The following PIK3R2 variants were observed in gnomAD, a reference collection of about 807,000 sequenced individuals.
The protein encoded by PIK3R2 is phosphatidylinositol 3-kinase regulatory subunit beta.
In PIK3R2, 40 loss-of-function variants were observed where a neutral mutation model predicts 78.5. The ratio of observed to expected loss-of-function variants is 0.51; its 90% CI spans 0.40 to 0.66. PIK3R2 has a LOEUF of 0.66. Among genes scored for constraint, PIK3R2 ranks in the 30% least tolerant of loss-of-function variants. The pLI is 0.00. For synonymous variants in PIK3R2, 473 were observed against 457.7 expected (o/e 1.03, Z -0.43); for missense variants, 880 against 1,026.6 (o/e 0.86, Z 1.95).
chr19:18,154,467 G>A (rs1437711278), intron 1 of PIK3R2, among the ~76,000 whole-genome samples: 1 of 152,180 alleles, frequency 6.6e-6, no homozygotes, highest in Admixed American at 6.5e-5. Flanking sequence ...CTCCTCTGCA[G>A]AGACTGGAGG....
chr19:18,166,046 T>C lies in PIK3R2; in HGVS notation c.1417-114T>C, dbSNP rs4808755. 0.93 allele frequency: 1,243,216 copies of C among 1,335,402 alleles called. 579,876 individuals carry two copies. Among genetic ancestry groups the C allele is most frequent in the Non-Finnish European group, 0.95 (881,636 of 930,316 alleles). 82.7% of individuals were successfully genotyped at this position (1,335,402 alleles called of 1,614,324 possible). On this transcript the variant is annotated intron_variant, in intron 11 of 15. Transcript: ENST00000222254. ...AGCAGGCGTTAGAAGAATGACACTC[T>C]GATAGAGGGACCAGCTTGAGCAGTC...
At chr19:18,163,592 G>C (rs2043775900) in intron 11 of PIK3R2, among the ~76,000 whole-genome samples, 1 of 152,178 alleles carries the variant, frequency 6.6e-6, no homozygotes, top group Non-Finnish European at 1.5e-5. Flanking sequence ...GGGAGGCAGA[G>C]ACAGGAGGAT....
At chr19:18,159,436 C>A (rs2043717601) in intron 2 of PIK3R2, among the ~76,000 whole-genome samples, 1 of 151,744 alleles carries the variant, frequency 6.6e-6, no homozygotes, top group Non-Finnish European at 1.5e-5. Context: ...CCAGTCTCTG[C>A]CTTGGCTTTC....
At position 18,168,067 on chromosome 19, in the gene PIK3R2, G is replaced by A. The variant is rs977956649; in HGVS notation, c.1737-408G>A. ...AGGTGCTGTGCTAAGCACCGTGCTC[G>A]TTATGAGTTCATTTGGTCCTTTTCA... is the stretch of plus-strand genomic sequence containing the variant. On this transcript the variant is annotated intron_variant, in intron 13 of 15. Coordinates refer to ENST00000222254, the MANE Select transcript of PIK3R2 (RefSeq NM_005027.4). This position sits in a 1 kb window ranked among gnomAD's most constrained non-coding sequence, Gnocchi z 4.1. 1.3e-5 allele frequency among the ~76,000 whole-genome samples: 2 copies of A among 152,132 alleles called. No homozygotes were observed. Among genetic ancestry groups the A allele is most frequent in the Admixed American group, 6.5e-5 (1 of 15,270 alleles).
intron 11 of PIK3R2, among the ~76,000 whole-genome samples, chr19:18,163,828 CAG>C (rs2043778695): frequency 6.9e-6 from 1 of 144,386 alleles, no homozygotes; most frequent in Non-Finnish European, 1.5e-5. Context: ...TCTCTAAAAA[CAG>C]AAATAAGCGT....
chr19:18,168,407 C>T lies in PIK3R2; in HGVS notation c.1737-68C>T, dbSNP rs2043829586. On this transcript the variant is annotated intron_variant, in intron 13 of 15. Coordinates refer to ENST00000222254, the MANE Select transcript of PIK3R2 (RefSeq NM_005027.4). This position sits in a 1 kb window ranked among gnomAD's most constrained non-coding sequence, Gnocchi z 4.1. ...TCCTCAGCCAGACCCTGCCTCCCAC[C>T]GGACAGGCCCACTGTGGGCTCAGCA... 6.7e-6 allele frequency: 5 copies of T among 747,636 alleles called. No homozygotes were observed. The highest frequency in any genetic ancestry group is 3.0e-4 in the Middle Eastern group (1 of 3,364). 46.3% of individuals were successfully genotyped at this position (747,636 alleles called of 1,614,324 possible). A position where few individuals can be genotyped will look rare whatever the true frequency, so the allele number is the denominator to read the frequency against.
intron 11 of PIK3R2, among the ~76,000 whole-genome samples, chr19:18,165,096 A>G (rs2147955431): frequency 6.6e-6 from 1 of 151,408 alleles, no homozygotes; most frequent in African/African-American, 2.4e-5. Context: ...CGAGCCAGGC[A>G]CAATGGCTCA....
Position 18,165,178 on chromosome 19 carries a change from G to A in PIK3R2, c.1417-982G>A, listed in dbSNP as rs534240402. Among the ~76,000 whole-genome samples the A allele has an allele frequency of 3.3e-5, 5 of 149,840 alleles. No individual in the cohort carries two copies. In the South Asian group the frequency reaches 1.1e-3, roughly 32 times the overall value. Reference sequence around the variant, plus strand: ...AGGTAAGGAGTTCAAGACCAGTCTGGCCAACATGGTGAATCCCTGTCTCTA... The same window carrying A: ...AGGTAAGGAGTTCAAGACCAGTCTGACCAACATGGTGAATCCCTGTCTCTA... On this transcript the variant is annotated intron_variant, in intron 11 of 15. Transcript: ENST00000222254.
chr19:18,160,926 C>T lies in PIK3R2; in HGVS notation c.423C>T (p.Asp141=), dbSNP rs1319493248. ...TGTCCCCTTCACCCCCAGGGCTGGACAGCGAATCTCACTACCGCCCGGAGC... is the reference window on the plus strand; with the variant it reads ...TGTCCCCTTCACCCCCAGGGCTGGATAGCGAATCTCACTACCGCCCGGAGC... ...LVEAIERTGL[D]SESHYRPELP... is the part of the protein sequence containing the mutation. The change falls in exon 4 of 16, where the codon GAC becomes GAT. Residue 141 remains aspartate, a synonymous_variant. Coordinates refer to ENST00000222254, the MANE Select transcript of PIK3R2 (RefSeq NM_005027.4). The T allele has an allele frequency of 1.9e-6, 3 of 1,609,882 alleles. No individual in the cohort carries two copies. The Admixed American group carries it at 5.0e-5, about 27-fold the overall frequency.
rs573041611 is a variant in PIK3R2 at position 18,170,162 on chromosome 19, C to T, written c.*868C>T. On this transcript the variant is annotated 3_prime_UTR_variant, in exon 16 of 16. Transcript: ENST00000222254. The stretch of plus-strand genomic sequence containing the variant: ...GATGGAGGTTGCAGTGAGCAGAGAT[C>T]GTGCCACTGCACTCCAGCCTGGGTA... 2.6e-4 allele frequency: 40 copies of T among 154,300 alleles called. No individual in the cohort carries two copies. Among genetic ancestry groups the T allele is most frequent in the African/African-American group, 8.9e-4 (37 of 41,624 alleles). The allele number at this position is 154,300 out of a possible 1,614,324, so 9.6% of individuals were successfully genotyped here.
rs1320419625 is a variant in PIK3R2 at position 18,161,454 on chromosome 19, G to A, written c.774G>A (p.Pro258=). The A allele has an allele frequency of 2.5e-6, 3 of 1,201,978 alleles. No homozygotes were observed. Among genetic ancestry groups the A allele is most frequent in the African/African-American group, 1.6e-5 (1 of 62,878 alleles). The allele number at this position is 1,201,978 out of a possible 1,614,324, so 74.5% of individuals were successfully genotyped here. The part of the protein sequence containing the change: ...ATFGPLLLRA[P]PPPSSPPPGG... The stretch of plus-strand genomic sequence containing the variant: ...TTGGGCCGCTGCTGCTGCGCGCGCC[G>A]CCGCCGCCGTCCTCGCCGCCGCCAG... Residue 258 remains proline, a synonymous_variant, in exon 6 of 16, where the codon CCG becomes CCA. Transcript: ENST00000222254. This position sits in a 1 kb window ranked among gnomAD's most constrained non-coding sequence, Gnocchi z 5.3.
At chr19:18,166,325 G>GCCCCA (rs2043810237) in intron 12 of PIK3R2, 23 bp downstream of exon 12, 5 of 1,603,304 alleles carry the variant, frequency 3.1e-6, no homozygotes, top group Middle Eastern at 1.7e-4. Context: ...CCTCTGCCCT[G>GCCCCA]CCCCACCCCA....
rs542191971 is a variant in PIK3R2, at chr19:18,166,205, A to C, written c.1462A>C (p.Ile488Leu). Residue 488 changes from isoleucine to leucine, a missense_variant, in exon 12 of 16, where the codon ATC becomes CTC. Around this residue, in one of 3 missense-constraint regions of PIK3R2, gnomAD observed 156 missense variants for 241.0 expected, o/e 0.65. Transcript: ENST00000222254. ...TGCAATTGAGGCCTTCAATGAGACT[A>C]TCAAGATCTTTGAAGAGCAGGGCCA... ...RTAIEAFNETIKIFEEQGQTQ... is the reference protein window; with the variant it reads ...RTAIEAFNETLKIFEEQGQTQ... The C allele has an allele frequency of 1.9e-6, 3 of 1,613,792 alleles. No homozygotes were observed. In the South Asian group the frequency reaches 3.3e-5, roughly 18 times the overall value.
Position 18,161,127 on chromosome 19 carries a change from A to G in PIK3R2, c.540A>G (p.Ala180=). The G allele has an allele frequency of 1.3e-6, 2 of 1,569,598 alleles. No homozygotes were observed. Among genetic ancestry groups the G allele is most frequent in the African/African-American group, 1.4e-5 (1 of 74,038 alleles). The change falls in exon 5 of 16, where the codon GCA becomes GCG. Residue 180 remains alanine (A), a synonymous_variant. Coordinates refer to ENST00000222254, the MANE Select transcript of PIK3R2 (RefSeq NM_005027.4). The surrounding 1 kb of genome is among the most constrained non-coding windows in gnomAD (Gnocchi z 5.3). ...LADGIKSFLL[A]LPAPLVTPEA... ...ACGGCATTAAGAGCTTCCTGCTGGC[A>G]CTGCCCGCGCCGCTCGTGACCCCCG...
rs1248648585 is a variant in PIK3R2, at chr19:18,156,921, CTG to C, written c.322+723_322+724del. Among the ~76,000 whole-genome samples, 1 of 152,192 alleles carries C rather than the reference CTG, an allele frequency of 6.6e-6. No individual in the cohort carries two copies. Among genetic ancestry groups the C allele is most frequent in the Non-Finnish European group, 1.5e-5 (1 of 68,026 alleles). ...GGAGTGTGGGCTCTGGCCGGGGAAACTGTGGCCCAGGTTGCAAGGAGGAGGCT... is the reference window on the plus strand; with the variant it reads ...GGAGTGTGGGCTCTGGCCGGGGAAACTGGCCCAGGTTGCAAGGAGGAGGCT... On this transcript the variant is annotated intron_variant, in intron 2 of 15. Coordinates refer to ENST00000222254, the MANE Select transcript of PIK3R2 (RefSeq NM_005027.4). The surrounding 1 kb of genome is among the most constrained non-coding windows in gnomAD (Gnocchi z 4.2).
Position 18,168,353 on chromosome 19 carries a change from A to G in PIK3R2, c.1737-122A>G, listed in dbSNP as rs1418840356. ...AGGTCAGCTCTGCCCTCTTGTGGCA[A>G]CCGGAGATATTGTACCCAGAACCCT... is the stretch of plus-strand genomic sequence containing the variant. On this transcript the variant is annotated intron_variant, in intron 13 of 15. Coordinates refer to ENST00000222254, the MANE Select transcript of PIK3R2 (RefSeq NM_005027.4). The surrounding 1 kb of genome is among the most constrained non-coding windows in gnomAD (Gnocchi z 4.1). 9.0e-6 allele frequency: 6 copies of G among 669,966 alleles called. No homozygotes were observed. The highest frequency in any genetic ancestry group is 1.7e-5 in the Non-Finnish European group (6 of 363,604). The allele number at this position is 669,966 out of a possible 1,614,324, so 41.5% of individuals were successfully genotyped here. A position where few individuals can be genotyped will look rare whatever the true frequency, so the allele number is the denominator to read the frequency against.
intron 2 of PIK3R2, among the ~76,000 whole-genome samples, chr19:18,157,605 C>T (rs2043691082): frequency 1.3e-5 from 2 of 152,150 alleles, no homozygotes; most frequent in East Asian, 1.9e-4. Flanking sequence ...CCTGCAAAGT[C>T]GGGGTGATGC....
rs1202529789 is a variant in PIK3R2 at position 18,169,145 on chromosome 19, G to A, written c.2038G>A (p.Ala680Thr). Residue 680 changes from alanine to threonine, a missense_variant, in exon 16 of 16, where the codon GCG (alanine) becomes ACG (threonine). Coordinates refer to ENST00000222254, the MANE Select transcript of PIK3R2 (RefSeq NM_005027.4). ...IYRTATGFGFAEPYNLYGSLK... is the reference protein window; with the variant it reads ...IYRTATGFGFTEPYNLYGSLK... Reference sequence around the variant, plus strand: ...CCGCACGGCCACCGGCTTCGGCTTCGCGGAGCCCTACAACCTGTACGGGTC... The same window carrying A: ...CCGCACGGCCACCGGCTTCGGCTTCACGGAGCCCTACAACCTGTACGGGTC... The A allele has an allele frequency of 1.2e-6, 2 of 1,611,640 alleles. No homozygotes were observed. The highest frequency in any genetic ancestry group is 1.7e-6 in the Non-Finnish European group (2 of 1,179,856).
rs1214686628 is a variant in PIK3R2, at chr19:18,156,954, G to A, written c.322+753G>A. ...CAGGTTGCAAGGAGGAGGCTAAGAG[G>A]TGCTGCATGCTCGGCATGGTCTGCT... On this transcript the variant is annotated intron_variant, in intron 2 of 15. Coordinates refer to ENST00000222254, the MANE Select transcript of PIK3R2 (RefSeq NM_005027.4). The surrounding 1 kb of genome is among the most constrained non-coding windows in gnomAD (Gnocchi z 4.2). Among the ~76,000 whole-genome samples the A allele has an allele frequency of 6.6e-6, 1 of 152,192 alleles. No homozygotes were observed. Among genetic ancestry groups the A allele is most frequent in the Non-Finnish European group, 1.5e-5 (1 of 68,036 alleles).
Sources: gnomAD v4.1 joint callset for allele counts (sites outside exome capture counted in the v4.1 genomes callset) on GRCh38, gnomAD v4.1.1 for gene constraint, gnomAD v4.1.1 regional missense constraint, Gnocchi (gnomAD v3.1) non-coding constraint, MANE v1.5 for transcripts, NCBI Gene and HGNC (gene_info 2026-07-23, HGNC 2026-07-21) for gene names.